Variants in LRRC8D observed in about 807,000 individuals in gnomAD.
LRRC8D encodes the protein volume-regulated anion channel subunit LRRC8D.
In LRRC8D, 20 loss-of-function variants were observed where a neutral mutation model predicts 55.8. The ratio of observed to expected loss-of-function variants is 0.36; its 90% CI spans 0.25 to 0.52. The LOEUF is 0.52. Ranked by LOEUF, LRRC8D falls within the 20% of genes least tolerant of loss-of-function variation. LRRC8D has a pLI of 0.93. For synonymous variants in LRRC8D, 352 were observed against 377.0 expected (o/e 0.93, Z 0.77); for missense variants, 651 against 1,030.8 (o/e 0.63, Z 5.05).
rs1161779642 is a variant in LRRC8D, at chr1:89,889,952, C to T, written c.-2-43115C>T. Reference sequence around the variant, plus strand: ...CCTGTAATCCCAGCACTTTGGGAGGCCGAGGTGGGTGGATCACGAGATCAG... The same window carrying T: ...CCTGTAATCCCAGCACTTTGGGAGGTCGAGGTGGGTGGATCACGAGATCAG... On this transcript the variant is annotated intron_variant, in intron 2 of 2. Transcript: ENST00000337338. Among the ~76,000 whole-genome samples the T allele has an allele frequency of 2.0e-5, 3 of 152,008 alleles. No individual in the cohort carries two copies. The East Asian group carries it at 5.8e-4, about 29-fold the overall frequency.
At chr1:89,922,254 C>T (rs187982613) in intron 2 of LRRC8D, among the ~76,000 whole-genome samples, 22 of 151,956 alleles carry the variant, frequency 1.4e-4, no homozygotes, top group Non-Finnish European at 2.4e-4. Flanking sequence ...TACTAGAGAC[C>T]GGGTTTCATC....
At chr1:89,869,488 G>T (rs961273519) in intron 2 of LRRC8D, among the ~76,000 whole-genome samples, 2 of 152,170 alleles carry the variant, frequency 1.3e-5, no homozygotes, top group Non-Finnish European at 2.9e-5. Flanking sequence ...TTTGATTGGT[G>T]TACATGAAAG....
intron 2 of LRRC8D, among the ~76,000 whole-genome samples, chr1:89,920,596 C>T (rs1453433660): frequency 2.0e-5 from 3 of 149,400 alleles, no homozygotes; most frequent in Non-Finnish European, 4.4e-5. Context: ...ACTTACGTTT[C>T]GTTTCTATAT....
At chr1:89,903,590 A>C (rs1378295587) in intron 2 of LRRC8D, among the ~76,000 whole-genome samples, 5 of 152,202 alleles carry the variant, frequency 3.3e-5, no homozygotes, top group Non-Finnish European at 7.3e-5. Context: ...TATCTCCCTT[A>C]ATCTACAAGC....
intron 1 of LRRC8D, among the ~76,000 whole-genome samples, chr1:89,825,031 GAGA>G (rs1660731138): frequency 6.6e-6 from 1 of 152,120 alleles, no homozygotes; most frequent in Non-Finnish European, 1.5e-5. Context: ...GATTTTTTTG[GAGA>G]AGTTTTTTTT....
At chr1:89,922,207 G>T (rs1663440641) in intron 2 of LRRC8D, among the ~76,000 whole-genome samples, 1 of 151,904 alleles carries the variant, frequency 6.6e-6, no homozygotes, top group African/African-American at 2.4e-5. Context: ...GGGATTACAG[G>T]TGCTCGCCAC....
At chr1:89,883,788 C>T (rs17498135) in intron 2 of LRRC8D, among the ~76,000 whole-genome samples, 14,935 of 152,228 alleles carry the variant, frequency 0.098, 979 homozygotes, top group South Asian at 0.16. Context: ...ACTGAACGTT[C>T]GTCTCTTAGG....
At chr1:89,851,689 T>A (rs1414618555) in intron 2 of LRRC8D, among the ~76,000 whole-genome samples, 1 of 152,024 alleles carries the variant, frequency 6.6e-6, no homozygotes, top group Admixed American at 6.5e-5. Context: ...TTTTGTATTT[T>A]AGTAGAGATG....
intron 2 of LRRC8D, among the ~76,000 whole-genome samples, chr1:89,908,960 T>C (rs1268890630): frequency 1.3e-5 from 2 of 152,204 alleles, no homozygotes; most frequent in Non-Finnish European, 2.9e-5. Context: ...AACGTGTTCC[T>C]TGTTAGTATT....
chr1:89,893,416 C>G (rs1409344536), intron 2 of LRRC8D, among the ~76,000 whole-genome samples: 1 of 152,098 alleles, frequency 6.6e-6, no homozygotes, highest in African/African-American at 2.4e-5. Context: ...TAACTTCATG[C>G]TTAAAATTTG....
Position 89,933,447 on chromosome 1 carries a change from G to A in LRRC8D, c.379G>A (p.Ala127Thr), listed in dbSNP as rs746810497. 2 of 1,613,966 alleles carry A rather than the reference G, an allele frequency of 1.2e-6. No homozygotes were observed. The highest frequency in any genetic ancestry group is 1.3e-5 in the African/African-American group (1 of 74,900). Reference sequence around the variant, plus strand: ...AGATTTCGCACTTCCAAATCAGGAGGCAAAGAAAGAGAAGAAAGATCCAAC... The same window carrying A: ...AGATTTCGCACTTCCAAATCAGGAGACAAAGAAAGAGAAGAAAGATCCAAC... ...RTDFALPNQEAKKEKKDPTGR... is the reference protein window; with the variant it reads ...RTDFALPNQETKKEKKDPTGR... The change falls in exon 3 of 3, where the codon GCA (alanine) becomes ACA (threonine). Residue 127 changes from alanine to threonine, a missense_variant. By Grantham distance (58) the Ala-to-Thr change is moderately conservative. This residue lies in a region of LRRC8D where 118 missense variants were observed against 138.0 expected (regional missense o/e 0.85). Transcript: ENST00000337338. This position sits in a 1 kb window ranked among gnomAD's most constrained non-coding sequence, Gnocchi z 7.0.
chr1:89,823,139 G>A (rs944172302), intron 1 of LRRC8D, among the ~76,000 whole-genome samples: 2 of 152,150 alleles, frequency 1.3e-5, no homozygotes, highest in Admixed American at 1.3e-4. Context: ...GTATGTGTGC[G>A]TGTTGATTAA....
intron 1 of LRRC8D, among the ~76,000 whole-genome samples, chr1:89,824,036 A>G (rs1177255635): frequency 6.6e-6 from 1 of 152,182 alleles, no homozygotes; most frequent in Non-Finnish European, 1.5e-5. Flanking sequence ...GCTTCTCAGC[A>G]GACATTGAGG....
At chr1:89,918,137 AT>A (rs1663320145) in intron 2 of LRRC8D, among the ~76,000 whole-genome samples, 2 of 152,212 alleles carry the variant, frequency 1.3e-5, no homozygotes, top group Admixed American at 6.5e-5. Flanking sequence ...AATTGTCCGA[AT>A]TTTTTGGAAC....
chr1:89,885,446 G>A (rs1055115347), intron 2 of LRRC8D, among the ~76,000 whole-genome samples: 2 of 152,192 alleles, frequency 1.3e-5, no homozygotes, highest in African/African-American at 2.4e-5. Context: ...ACATTCCTCT[G>A]CTTTCCATTT....
chr1:89,886,231 T>G, intron 2 of LRRC8D, among the ~76,000 whole-genome samples: 1 of 152,172 alleles, frequency 6.6e-6, no homozygotes, highest in East Asian at 1.9e-4. Context: ...ATTCATTTAG[T>G]CTCTGAAGAG....
At chr1:89,932,923 G>T (rs1407092544) in intron 2 of LRRC8D, 144 bp from the exon 3 acceptor site, 2 of 664,072 alleles carry the variant, frequency 3.0e-6, no homozygotes, top group African/African-American at 1.8e-5. Flanking sequence ...TCCCCTTTTA[G>T]TTTATTTTCT....
At chr1:89,863,219 G>A (rs978848981) in intron 2 of LRRC8D, among the ~76,000 whole-genome samples, 1 of 152,170 alleles carries the variant, frequency 6.6e-6, no homozygotes, top group African/African-American at 2.4e-5. Context: ...GATTACATGG[G>A]CTCTTATTTG....
rs375456611 is a variant in LRRC8D at position 89,893,620 on chromosome 1, C to T, written c.-2-39447C>T. On this transcript the variant is annotated intron_variant, in intron 2 of 2. Transcript: ENST00000337338. ...TTTCCCTGAAGTAGATACAGTGGAA[C>T]CCATCTATATTGTAATGGGACATAC... 1.8e-4 allele frequency among the ~76,000 whole-genome samples: 27 copies of T among 152,174 alleles called. No homozygotes were observed. In the South Asian group the frequency reaches 5.2e-3, roughly 29 times the overall value.
Sources: gnomAD v4.1 joint callset for allele counts (sites outside exome capture counted in the v4.1 genomes callset) on GRCh38, gnomAD v4.1.1 for gene constraint, gnomAD v4.1.1 regional missense constraint, Gnocchi (gnomAD v3.1) non-coding constraint, MANE v1.5 for transcripts, NCBI Gene and HGNC (gene_info 2026-07-23, HGNC 2026-07-21) for gene names.